ZC3H12B: variants seen among roughly 807,000 people sequenced by gnomAD.
ZC3H12B encodes probable ribonuclease ZC3H12B.
ZC3H12B carries 7 observed loss-of-function variants against 43.9 expected under a neutral mutation model. The observed-to-expected ratio is 0.16, with a 90% CI of 0.09 to 0.30. The LOEUF (loss-of-function observed/expected upper bound fraction) is 0.30. Ranked by LOEUF, ZC3H12B falls within the 10% of genes least tolerant of loss-of-function variation. ZC3H12B has a pLI of 1.00. For synonymous variants in ZC3H12B, 222 were observed against 241.7 expected (o/e 0.92, Z 0.76); for missense variants, 475 against 670.2 (o/e 0.71, Z 3.22).
chrX:65,340,167 G>A, the ZC3H12B span, among the ~76,000 whole-genome samples: 2 of 111,908 alleles, frequency 1.8e-5, no homozygotes, highest in African/African-American at 6.5e-5. Flanking sequence ...ATGCACAGAG[G>A]GATCTCACAG....
intron 3 of ZC3H12B, among the ~76,000 whole-genome samples, chrX:65,453,113 G>T (rs2067543106): frequency 9.3e-6 from 1 of 107,402 alleles, no homozygotes; most frequent in Admixed American, 1.0e-4. Flanking sequence ...ATACCATAAG[G>T]CCATCATCAC....
chrX:65,448,878 A>C (rs1291073991), intron 3 of ZC3H12B, among the ~76,000 whole-genome samples: 1 of 98,563 alleles, frequency 1.0e-5, no homozygotes, highest in African/African-American at 4.3e-5. Context: ...GGAGGGAGGG[A>C]AATAAATAAA....
the ZC3H12B span, among the ~76,000 whole-genome samples, chrX:65,276,495 G>T: frequency 1.8e-5 from 2 of 111,431 alleles, no homozygotes; most frequent in East Asian, 2.8e-4. Flanking sequence ...ACTAACAGTG[G>T]ATTTCTCATC....
chrX:65,117,120 T>C, the ZC3H12B span, among the ~76,000 whole-genome samples: 9 of 111,975 alleles, frequency 8.0e-5, no homozygotes, highest in Non-Finnish European at 1.5e-4. Flanking sequence ...TTCTAGATCC[T>C]TGAGGAATTG....
chrX:65,382,853 A>C (rs1414889098), intron 2 of ZC3H12B, among the ~76,000 whole-genome samples: 1 of 111,420 alleles, frequency 9.0e-6, no homozygotes. Context: ...CCCATTCACA[A>C]TTGCTTCCAA....
intron 3 of ZC3H12B, among the ~76,000 whole-genome samples, chrX:65,445,600 T>C (rs2067365328): frequency 8.9e-6 from 1 of 112,728 alleles, no homozygotes; most frequent in African/African-American, 3.2e-5. Context: ...GGGTCAGACC[T>C]GAAGTCAGCA....
chrX:65,141,237 G>A, the ZC3H12B span, among the ~76,000 whole-genome samples: 2 of 109,810 alleles, frequency 1.8e-5, no homozygotes, highest in Non-Finnish European at 3.8e-5. Flanking sequence ...GTAAGTTTTG[G>A]TATGTTGCAT....
the ZC3H12B span, among the ~76,000 whole-genome samples, chrX:65,150,669 C>T: frequency 8.9e-6 from 1 of 111,868 alleles, no homozygotes; most frequent in Non-Finnish European, 1.9e-5. Flanking sequence ...GACATGATCT[C>T]ATTCCTTTTC....
chrX:65,498,398 A>G (rs1602539003), intron 2 of ZC3H12B, among the ~76,000 whole-genome samples: 1 of 111,555 alleles, frequency 9.0e-6, no homozygotes, highest in East Asian at 2.8e-4. Context: ...GTGTGAAGCT[A>G]TTTGCCATCT....
chrX:65,312,752 GGT>G, the ZC3H12B span, among the ~76,000 whole-genome samples: 2 of 111,915 alleles, frequency 1.8e-5, no homozygotes, highest in African/African-American at 6.5e-5. Flanking sequence ...GTCCTCACCT[GGT>G]GGAAGGGAAA....
At chrX:65,339,408 G>A in the ZC3H12B span, among the ~76,000 whole-genome samples, 2 of 112,051 alleles carry the variant, frequency 1.8e-5, no homozygotes, top group South Asian at 3.7e-4. Context: ...TGGAATTCTG[G>A]CAAGAGAAGA....
chrX:65,074,053 T>C, the ZC3H12B span, among the ~76,000 whole-genome samples: 2 of 112,104 alleles, frequency 1.8e-5, no homozygotes, highest in Non-Finnish European at 3.8e-5. Flanking sequence ...TTGTTTTGTC[T>C]ATATGTTTAC....
At chrX:65,034,997 C>G in the ZC3H12B span, among the ~76,000 whole-genome samples, 1 of 112,646 alleles carries the variant, frequency 8.9e-6, no homozygotes, top group African/African-American at 3.2e-5. Flanking sequence ...CCTAGTACCC[C>G]AGGAGGGTCC....
the ZC3H12B span, among the ~76,000 whole-genome samples, chrX:65,336,171 G>A: frequency 5.3e-5 from 6 of 112,469 alleles, no homozygotes; most frequent in African/African-American, 1.9e-4. Flanking sequence ...AATTAAAACT[G>A]TACAGAGGAG....
chrX:65,074,040 A>G, the ZC3H12B span, among the ~76,000 whole-genome samples: 1 of 111,087 alleles, frequency 9.0e-6, no homozygotes, highest in Admixed American at 9.5e-5. Flanking sequence ...GTATTCTAAT[A>G]TTTTGTTTTG....
At chrX:65,400,536 A>T (rs1416666245) in intron 3 of ZC3H12B, among the ~76,000 whole-genome samples, 1 of 111,892 alleles carries the variant, frequency 8.9e-6, no homozygotes, top group Non-Finnish European at 1.9e-5. Flanking sequence ...CACCTTTTTT[A>T]TGCTTGTAAA....
At chrX:65,495,020 G>A (rs1602534374) in intron 1 of ZC3H12B, among the ~76,000 whole-genome samples, 1 of 111,168 alleles carries the variant, frequency 9.0e-6, no homozygotes, top group Non-Finnish European at 1.9e-5. Flanking sequence ...GTAGCAGTGG[G>A]AAAATTCACA....
chrX:65,351,539 A>C, the ZC3H12B span, among the ~76,000 whole-genome samples: 2 of 112,563 alleles, frequency 1.8e-5, no homozygotes, highest in African/African-American at 6.5e-5. Context: ...CAACCTGCAC[A>C]ACGGGAGAAA....
At chrX:65,245,984 C>T in the ZC3H12B span, among the ~76,000 whole-genome samples, 1 of 111,067 alleles carries the variant, frequency 9.0e-6, no homozygotes, top group Non-Finnish European at 1.9e-5. Context: ...TCCCTGTTTG[C>T]AGGAGACATG....
Sources: gnomAD v4.1 joint callset for allele counts (sites outside exome capture counted in the v4.1 genomes callset) on GRCh38, gnomAD v4.1.1 for gene constraint, MANE v1.5 for transcripts, NCBI Gene and HGNC (gene_info 2026-07-23, HGNC 2026-07-21) for gene names.